Variants in ACVR2A observed in about 807,000 individuals in gnomAD.
The protein encoded by ACVR2A is activin receptor type-2A.
Under a neutral mutation model 61.4 loss-of-function variants are expected in ACVR2A, and 7 were observed. That is an observed-to-expected ratio of 0.11 (90% CI 0.06 to 0.21). The LOEUF is 0.21. ACVR2A is among the 10% of genes least tolerant of loss of function. The pLI is 1.00. For synonymous variants in ACVR2A, 193 were observed against 208.3 expected, an observed-to-expected ratio of 0.93 and a Z score of 0.63; for missense variants, 322 against 621.7, an observed-to-expected ratio of 0.52 and a Z score of 5.13.
intron 1 of ACVR2A, among the ~76,000 whole-genome samples, chr2:147,851,158 C>A (rs1558958066): frequency 2.0e-5 from 3 of 152,124 alleles, no homozygotes; most frequent in Non-Finnish European, 4.4e-5. Context: ...GAATATGTTA[C>A]CCTTGCTTAA....
intron 1 of ACVR2A, among the ~76,000 whole-genome samples, chr2:147,893,949 C>A (rs1686660127): frequency 6.6e-6 from 1 of 152,072 alleles, no homozygotes; most frequent in African/African-American, 2.4e-5. Context: ...AATTCAGGGT[C>A]ACAAAGATTT....
rs1157780134 is a variant in ACVR2A at position 147,928,985 on chromosome 2, T to C, written c.*1711T>C. ...TGAATGTGTTGTCTTCAAATGGTTA[T>C]TTAACCACACAGTACACTACATTTT... On this transcript the variant is annotated 3_prime_UTR_variant, in exon 11 of 11. Coordinates refer to ENST00000241416, the MANE Select transcript of ACVR2A (RefSeq NM_001616.5). 1.3e-5 allele frequency: 2 copies of C among 152,560 alleles called. No individual in the cohort carries two copies. Among genetic ancestry groups the C allele is most frequent in the African/African-American group, 4.8e-5 (2 of 41,542 alleles). The allele number at this position is 152,560 out of a possible 1,614,324, so 9.5% of individuals were successfully genotyped here. A position where few individuals can be genotyped will look rare whatever the true frequency, so the allele number is the denominator to read the frequency against.
Position 147,930,019 on chromosome 2 carries a change from A to G in ACVR2A, c.*2745A>G, listed in dbSNP as rs977834004. 6 of 152,458 alleles carry G rather than the reference A, an allele frequency of 3.9e-5. 1 individual carries two copies. In the Admixed American group the frequency reaches 3.9e-4, roughly 10 times the overall value. The allele number at this position is 152,458 out of a possible 1,614,324, so 9.4% of individuals were successfully genotyped here. On this transcript the variant is annotated 3_prime_UTR_variant, in exon 11 of 11. Transcript: ENST00000241416. ...TGCACAGCTCTTGTATGTATTTTAG[A>G]TGCTAGAAGTTTTTTTAGCATGTGA...
rs139078332 is a variant in ACVR2A, at chr2:147,865,729, A to G, written c.55+20522A>G. ...ATTAGTCATCTAGTAAATGTTAAGT[A>G]TATGTCACAACTGGGAGAAGAGATG... On this transcript the variant is annotated intron_variant, in intron 1 of 10. Coordinates refer to ENST00000241416, the MANE Select transcript of ACVR2A (RefSeq NM_001616.5). Among the ~76,000 whole-genome samples the G allele has an allele frequency of 3.4e-3, 521 of 152,336 alleles. 1 individual carries two copies. The highest frequency in any genetic ancestry group is 0.011 in the African/African-American group (477 of 41,584).
chr2:147,916,346 G>A (rs191710106), intron 5 of ACVR2A, among the ~76,000 whole-genome samples: 4 of 151,974 alleles, frequency 2.6e-5, no homozygotes, highest in African/African-American at 9.6e-5. Context: ...GCATTTGGAT[G>A]ATATTAACAA....
At chr2:147,862,706 T>C (rs961367764) in intron 1 of ACVR2A, among the ~76,000 whole-genome samples, 22 of 151,550 alleles carry the variant, frequency 1.5e-4, no homozygotes, top group Non-Finnish European at 2.9e-4. Context: ...ATTGCGCCAC[T>C]GCACTCCAGC....
At chr2:147,864,384 A>C (rs1206965080) in intron 1 of ACVR2A, among the ~76,000 whole-genome samples, 1 of 151,808 alleles carries the variant, frequency 6.6e-6, no homozygotes, top group Non-Finnish European at 1.5e-5. Flanking sequence ...CGCGCTCTAC[A>C]ACGCCCCGCT....
chr2:147,876,054 T>G (rs576757016), intron 1 of ACVR2A, among the ~76,000 whole-genome samples: 12 of 152,226 alleles, frequency 7.9e-5, no homozygotes, highest in African/African-American at 2.9e-4. Context: ...AGTACTTACA[T>G]TAAGAAAAAC....
chr2:147,883,973 G>A (rs887453722), intron 1 of ACVR2A, among the ~76,000 whole-genome samples: 1 of 152,086 alleles, frequency 6.6e-6, no homozygotes, highest in African/African-American at 2.4e-5. Flanking sequence ...GTAAAATAAA[G>A]CACTAAACAA....
intron 1 of ACVR2A, among the ~76,000 whole-genome samples, chr2:147,866,067 A>G (rs962037403): frequency 6.6e-6 from 1 of 152,070 alleles, no homozygotes; most frequent in African/African-American, 2.4e-5. Context: ...GAGGACAGTT[A>G]GAGAGTAGGC....
rs530607881 is a variant in ACVR2A, at chr2:147,889,198, T to G, written c.56-7103T>G. 5.3e-5 allele frequency among the ~76,000 whole-genome samples: 8 copies of G among 152,298 alleles called. No homozygotes were observed. The South Asian group carries it at 1.7e-3, about 32-fold the overall frequency. On this transcript the variant is annotated intron_variant, in intron 1 of 10. Transcript: ENST00000241416. ...GTAATACTTTTAAAAAATATATTGT[T>G]GGATTCTCTTTGCTAAAATTTTGTT...
At chr2:147,869,809 G>A (rs934432755) in intron 1 of ACVR2A, among the ~76,000 whole-genome samples, 1 of 152,068 alleles carries the variant, frequency 6.6e-6, no homozygotes, top group African/African-American at 2.4e-5. Flanking sequence ...CTTGAAAGAT[G>A]AGTTAAAATC....
chr2:147,923,083 A>G lies in ACVR2A; in HGVS notation c.1188A>G (p.Glu396=), dbSNP rs1394408611. 6.2e-7 allele frequency: 1 copy of G among 1,612,786 alleles called. No individual in the cohort carries two copies. The highest frequency in any genetic ancestry group is 1.1e-5 in the South Asian group (1 of 90,858). Residue 396 remains glutamate, a synonymous_variant, in exon 9 of 11, where the codon GAA becomes GAG. Transcript: ENST00000241416. ...ATGCCATGGGATTAGTCCTATGGGA[A>G]CTGGCTTCTCGCTGTACTGCTGCAG... is the stretch of plus-strand genomic sequence containing the variant. ...DMYAMGLVLW[E]LASRCTAADG...
chr2:147,924,971 A>T (rs1236743169), intron 9 of ACVR2A, among the ~76,000 whole-genome samples: 2 of 151,930 alleles, frequency 1.3e-5, no homozygotes, highest in Non-Finnish European at 2.9e-5. Context: ...GATAATTCTT[A>T]TATTTGAAGA....
chr2:147,921,717 A>G (rs185171305), intron 8 of ACVR2A, among the ~76,000 whole-genome samples: 223 of 152,270 alleles, frequency 1.5e-3, no homozygotes, highest in Middle Eastern at 3.4e-3. Context: ...ATGATAGACT[A>G]TCATAAGACT....
chr2:147,908,476 A>G (rs1687041950), intron 4 of ACVR2A, among the ~76,000 whole-genome samples: 1 of 152,174 alleles, frequency 6.6e-6, no homozygotes, highest in African/African-American at 2.4e-5. Flanking sequence ...AGGAAGTAGG[A>G]ATTATCACAG....
At chr2:147,875,858 C>T (rs1371140744) in intron 1 of ACVR2A, among the ~76,000 whole-genome samples, 1 of 152,008 alleles carries the variant, frequency 6.6e-6, no homozygotes, top group African/African-American at 2.4e-5. Context: ...TTACAGAAAA[C>T]ATTTTTATAA....
chr2:147,905,164 T>C (rs1686959434), intron 4 of ACVR2A, among the ~76,000 whole-genome samples: 1 of 152,124 alleles, frequency 6.6e-6, no homozygotes, highest in African/African-American at 2.4e-5. Flanking sequence ...AACAGATTGG[T>C]GTGTATCCCT....
intron 1 of ACVR2A, among the ~76,000 whole-genome samples, chr2:147,869,383 A>G (rs906317385): frequency 6.6e-6 from 1 of 152,158 alleles, no homozygotes; most frequent in African/African-American, 2.4e-5. Context: ...CCTTAAGCCA[A>G]TAATCTAGTT....
Sources: allele counts gnomAD v4.1 joint callset (sites outside exome capture counted in the v4.1 genomes callset), GRCh38; gene constraint gnomAD v4.1.1; transcripts MANE v1.5; gene names NCBI Gene and HGNC (gene_info 2026-07-23, HGNC 2026-07-21).